ANKRD30BL: variants seen among roughly 807,000 people sequenced by gnomAD.
The protein encoded by ANKRD30BL is ankyrin repeat domain 30B like, also known as putative ankyrin repeat domain-containing protein 30B-like.
In ANKRD30BL, 20 loss-of-function variants were observed where a neutral mutation model predicts 18.4. The ratio of observed to expected loss-of-function variants is 1.09; its 90% CI spans 0.77 to 1.58. The LOEUF is 1.58. Among genes scored for constraint, ANKRD30BL ranks in the 40% most tolerant of loss-of-function variants. ANKRD30BL has a pLI of 0.00. For synonymous variants in ANKRD30BL, 72 were observed against 100.9 expected (o/e 0.71, Z 1.72); for missense variants, 224 against 268.6 (o/e 0.83, Z 1.16).
chr2:132,235,698 C>T lies in ANKRD30BL; in HGVS notation n.441+21831G>A, dbSNP rs536268235. Among the ~76,000 whole-genome samples the T allele has an allele frequency of 9.7e-4, 147 of 152,130 alleles. 1 individual carries two copies. The highest frequency in any genetic ancestry group is 3.5e-3 in the African/African-American group (146 of 41,510). ...CCAAGGAAATAAAAGAGGATACAAACGAATGGAAGAACATTCCATGCTCAT... is the reference window on the plus strand; with the variant it reads ...CCAAGGAAATAAAAGAGGATACAAATGAATGGAAGAACATTCCATGCTCAT... On this transcript the variant is annotated intron_variant and non_coding_transcript_variant, in intron 1 of 4. Coordinates refer to the ANKRD30BL transcript ENST00000470729.
intron 1 of ANKRD30BL, among the ~76,000 whole-genome samples, chr2:132,232,519 C>T (rs957612308): frequency 5.3e-5 from 8 of 151,998 alleles, no homozygotes; most frequent in African/African-American, 1.2e-4. Flanking sequence ...AACCAAGGCT[C>T]GAGAACTACG....
chr2:132,255,513 A>G (rs1476569760), intron 1 of ANKRD30BL, among the ~76,000 whole-genome samples: 1 of 151,970 alleles, frequency 6.6e-6, no homozygotes, highest in Non-Finnish European at 1.5e-5. Context: ...CCCAAGATTC[A>G]ACTACGAGCT....
chr2:132,160,714 C>A (rs1475668972), intron 1 of ANKRD30BL, among the ~76,000 whole-genome samples: 3 of 152,072 alleles, frequency 2.0e-5, no homozygotes, highest in Non-Finnish European at 4.4e-5. Context: ...AGGCATGATC[C>A]ACCGCGCCTG....
intron 1 of ANKRD30BL, among the ~76,000 whole-genome samples, chr2:132,174,551 G>A (rs1237757650): frequency 6.6e-6 from 1 of 152,050 alleles, no homozygotes; most frequent in African/African-American, 2.4e-5. Context: ...CCTTAAAATT[G>A]TATTTCTCCT....
chr2:132,183,611 G>A, intron 1 of ANKRD30BL, among the ~76,000 whole-genome samples: 1 of 151,988 alleles, frequency 6.6e-6, no homozygotes, highest in East Asian at 1.9e-4. Context: ...GGTAGGGTGG[G>A]GTGGAGAAAT....
At chr2:132,254,399 C>T (rs1035328221) in intron 1 of ANKRD30BL, among the ~76,000 whole-genome samples, 3 of 152,246 alleles carry the variant, frequency 2.0e-5, no homozygotes, top group Non-Finnish European at 2.9e-5. Flanking sequence ...ACTTTTACTT[C>T]CTCTAGATAG....
At chr2:132,183,865 T>C (rs1289592081) in intron 1 of ANKRD30BL, among the ~76,000 whole-genome samples, 2 of 152,018 alleles carry the variant, frequency 1.3e-5, no homozygotes, top group African/African-American at 4.8e-5. Flanking sequence ...TGGTATTGAA[T>C]TAATGGTGCT....
rs1680730608 is a variant in ANKRD30BL at position 132,253,654 on chromosome 2, C to CAGGGG, written n.441+3870_441+3874dup. On this transcript the variant is annotated intron_variant and non_coding_transcript_variant, in intron 1 of 4. Transcript: ENST00000470729. ...CAGCTGGCCGGGGGGACGGAGTCGG[C>CAGGGG]AGGGGAGGCGAGGGAGGGGCGGGCC... Among the ~76,000 whole-genome samples, 3 of 152,162 alleles carry CAGGGG rather than the reference C, an allele frequency of 2.0e-5. No individual in the cohort carries two copies. In the South Asian group the frequency reaches 6.2e-4, roughly 32 times the overall value.
intron 1 of ANKRD30BL, among the ~76,000 whole-genome samples, chr2:132,204,876 G>C (rs1573838860): frequency 6.6e-6 from 1 of 152,178 alleles, no homozygotes; most frequent in African/African-American, 2.4e-5. Flanking sequence ...TGAAGACAGA[G>C]GGGGAGAATC....
chr2:132,176,027 C>A (rs1372115212), intron 1 of ANKRD30BL, among the ~76,000 whole-genome samples: 1 of 152,214 alleles, frequency 6.6e-6, no homozygotes, highest in African/African-American at 2.4e-5. Flanking sequence ...TCTGATCTCT[C>A]TTCCTTTTCC....
intron 1 of ANKRD30BL, among the ~76,000 whole-genome samples, chr2:132,173,600 T>G (rs56293049): frequency 0.21 from 32,273 of 152,028 alleles, 3,616 homozygotes; most frequent in Non-Finnish European, 0.26. Context: ...GGCCCAGTTT[T>G]GCTTCTAACA....
intron 1 of ANKRD30BL, among the ~76,000 whole-genome samples, chr2:132,173,547 T>A (rs1192079208): frequency 6.6e-6 from 1 of 152,112 alleles, no homozygotes; most frequent in Non-Finnish European, 1.5e-5. Flanking sequence ...TCCACCCGCC[T>A]CAGCCTCCCA....
rs746915629 is a variant in ANKRD30BL at position 132,219,965 on chromosome 2, GC to G, written n.441+37563del. On this transcript the variant is annotated intron_variant and non_coding_transcript_variant, in intron 1 of 4. Transcript: ENST00000470729. ...GAATCTGCAAGTGGACATTTGGAGC[GC>G]CTTGAGGCCTATGGTGGAAAAGGAA... Among the ~76,000 whole-genome samples, 5 of 151,832 alleles carry G rather than the reference GC, an allele frequency of 3.3e-5. No individual in the cohort carries two copies. The East Asian group carries it at 9.8e-4, about 30-fold the overall frequency.
chr2:132,175,034 A>T (rs552414619), intron 1 of ANKRD30BL, among the ~76,000 whole-genome samples: 17 of 152,326 alleles, frequency 1.1e-4, no homozygotes, highest in South Asian at 6.2e-4. Flanking sequence ...AGGGGTGGCC[A>T]GCCCCTCCAC....
At chr2:132,203,165 G>C (rs201800164) in intron 1 of ANKRD30BL, among the ~76,000 whole-genome samples, 433 of 146,096 alleles carry the variant, frequency 3.0e-3, no homozygotes, top group South Asian at 0.018. Context: ...CTAGACCAAG[G>C]GGTAGGTACT....
At chr2:132,202,094 A>G (rs1465766272) in intron 1 of ANKRD30BL, among the ~76,000 whole-genome samples, 1 of 152,148 alleles carries the variant, frequency 6.6e-6, no homozygotes, top group African/African-American at 2.4e-5. Context: ...TTGAACAATG[A>G]GAACACATGG....
intron 1 of ANKRD30BL, among the ~76,000 whole-genome samples, chr2:132,221,447 A>G (rs867993429): frequency 7.0e-4 from 61 of 87,488 alleles, no homozygotes; most frequent in African/African-American, 1.1e-3. Flanking sequence ...CTGGCCAGCC[A>G]CCCCGTCCGG....
chr2:132,176,298 G>C (rs1306745114), intron 1 of ANKRD30BL, among the ~76,000 whole-genome samples: 1 of 151,530 alleles, frequency 6.6e-6, no homozygotes, highest in Non-Finnish European at 1.5e-5. Flanking sequence ...GGGAGGCTGA[G>C]GCGAGTAGAT....
chr2:132,241,961 T>C (rs1242784434), intron 1 of ANKRD30BL, among the ~76,000 whole-genome samples: 2 of 151,766 alleles, frequency 1.3e-5, no homozygotes, highest in African/African-American at 4.8e-5. Flanking sequence ...TTAAACACAC[T>C]TTTTGTAGAA....
Sources: allele counts gnomAD v4.1 joint callset (sites outside exome capture counted in the v4.1 genomes callset), GRCh38; gene constraint gnomAD v4.1.1; transcripts MANE v1.5; gene names NCBI Gene and HGNC (gene_info 2026-07-23, HGNC 2026-07-21).